Variants in PCDHGA2 observed in about 807,000 individuals in gnomAD.
The protein encoded by PCDHGA2 is protocadherin gamma-A2.
In PCDHGA2, 40 loss-of-function variants were observed where a neutral mutation model predicts 59.2. That is an observed-to-expected ratio of 0.68 (90% confidence interval 0.52 to 0.88). The LOEUF is 0.88. Ranked by LOEUF, PCDHGA2 falls within the 40% of genes least tolerant of loss-of-function variation. The pLI is 0.00. For synonymous variants in PCDHGA2, 560 were observed against 526.0 expected, an observed-to-expected ratio of 1.06 and a Z score of -0.89; for missense variants, 1,226 against 1,204.0, an observed-to-expected ratio of 1.02 and a Z score of -0.27.
intron 2 of PCDHGA2, among the ~76,000 whole-genome samples, chr5:141,499,016 GGAAGGAA>G (rs2099788564): frequency 7.0e-6 from 1 of 143,496 alleles, no homozygotes; most frequent in Non-Finnish European, 1.5e-5. Flanking sequence ...AAGGAAGGAA[GGAAGGAA>G]GGAAGAAAAG....
chr5:141,348,977 A>G (rs1161921022), intron 1 of PCDHGA2, among the ~76,000 whole-genome samples: 2 of 152,176 alleles, frequency 1.3e-5, no homozygotes, highest in Admixed American at 6.5e-5. Flanking sequence ...TTGGGTGTCT[A>G]AGAACTCTGA....
chr5:141,480,599 C>A (rs1202373543), intron 1 of PCDHGA2, among the ~76,000 whole-genome samples: 1 of 141,438 alleles, frequency 7.1e-6, no homozygotes, highest in East Asian at 1.9e-4. Flanking sequence ...TCTGGTCAGC[C>A]TGGAAAGCAA....
intron 1 of PCDHGA2, chr5:141,422,014 C>T (rs1472942387): frequency 1.9e-6 from 3 of 1,610,040 alleles, no homozygotes; most frequent in African/African-American, 1.3e-5. Flanking sequence ...AACTCGGGTG[C>T]TGATGGTTAA....
At chr5:141,494,363 T>C (rs1264801258) in intron 1 of PCDHGA2, among the ~76,000 whole-genome samples, 1 of 152,206 alleles carries the variant, frequency 6.6e-6, no homozygotes, top group Non-Finnish European at 1.5e-5. Context: ...CTGCAGAGGA[T>C]GCTTTGTTCC....
At chr5:141,350,425 T>C (rs759895057) in intron 1 of PCDHGA2, 207 of 1,607,986 alleles carry the variant, frequency 1.3e-4, no homozygotes, top group Non-Finnish European at 1.6e-4. Context: ...TGGGGCTCAG[T>C]GTCCGGGAGT....
At chr5:141,350,331 G>C in intron 1 of PCDHGA2, 1 of 1,537,716 alleles carries the variant, frequency 6.5e-7, no homozygotes, top group Non-Finnish European at 8.7e-7. Context: ...TCTTTGTTCT[G>C]CGGGGCCATC....
chr5:141,409,441 G>A (rs1432743588), intron 1 of PCDHGA2: 1 of 1,613,884 alleles, frequency 6.2e-7, no homozygotes, highest in Admixed American at 1.7e-5. Context: ...TGGACCGAGA[G>A]CAGACACCAG....
At chr5:141,423,558 G>A (rs770532900) in intron 1 of PCDHGA2, 1 of 1,613,462 alleles carries the variant, frequency 6.2e-7, no homozygotes, top group African/African-American at 1.3e-5. Flanking sequence ...CCAACTATGG[G>A]GACACGCTCA....
At chr5:141,402,392 C>A (rs1271100750) in intron 1 of PCDHGA2, among the ~76,000 whole-genome samples, 1 of 151,714 alleles carries the variant, frequency 6.6e-6, no homozygotes, top group African/African-American at 2.4e-5. Flanking sequence ...AAAATTACTT[C>A]AGAAAATTGT....
At chr5:141,371,952 T>C (rs1377821829) in intron 1 of PCDHGA2, 1 of 1,613,142 alleles carries the variant, frequency 6.2e-7, no homozygotes, top group African/African-American at 1.3e-5. Flanking sequence ...GCAGCGAGCC[T>C]TCGACCACGA....
At chr5:141,495,804 T>G (rs894259635) in intron 2 of PCDHGA2, among the ~76,000 whole-genome samples, 1 of 152,168 alleles carries the variant, frequency 6.6e-6, no homozygotes, top group South Asian at 2.1e-4. Flanking sequence ...TTTCACCGTT[T>G]CCTAGCGCCT....
chr5:141,409,055 G>A lies in PCDHGA2; in HGVS notation c.2424+67660G>A, dbSNP rs141881204. The A allele has an allele frequency of 7.2e-5, 117 of 1,614,038 alleles. No individual in the cohort carries two copies. Among genetic ancestry groups the A allele is most frequent in the Admixed American group, 5.0e-4 (30 of 60,032 alleles). On this transcript the variant is annotated intron_variant, in intron 1 of 3. Coordinates refer to ENST00000394576, the MANE Select transcript of PCDHGA2 (RefSeq NM_018915.4). ...GATAAACTACTACTTCCGAAGCACT[G>A]CCCAGAGCACAAAACATATGTTCTC...
intron 1 of PCDHGA2, chr5:141,388,825 C>G: frequency 6.2e-7 from 1 of 1,613,910 alleles, no homozygotes; most frequent in Non-Finnish European, 8.5e-7. Flanking sequence ...AAAGAATATT[C>G]CATAGTTTTG....
chr5:141,435,906 A>C (rs1246100275), intron 1 of PCDHGA2, among the ~76,000 whole-genome samples: 1 of 152,182 alleles, frequency 6.6e-6, no homozygotes, highest in African/African-American at 2.4e-5. Context: ...AAAGACATCC[A>C]AGGGCTCTAA....
At chr5:141,383,538 A>G in intron 1 of PCDHGA2, 1 of 1,612,704 alleles carries the variant, frequency 6.2e-7, no homozygotes, top group African/African-American at 1.3e-5. Context: ...TGGTCCTCAC[A>G]GCCTCTGATG....
At chr5:141,450,817 A>T (rs1302552522) in intron 1 of PCDHGA2, among the ~76,000 whole-genome samples, 1 of 137,468 alleles carries the variant, frequency 7.3e-6, no homozygotes, top group Non-Finnish European at 1.5e-5. Context: ...TTTATTTAAT[A>T]TTATTATTAT....
At position 141,340,460 on chromosome 5, in the gene PCDHGA2, CA is replaced by C. The variant is rs1756946488; in HGVS notation, c.1490del (p.Gln497ArgfsTer36). On this transcript the variant is annotated frameshift_variant, in exon 1 of 4. Coordinates refer to ENST00000394576, the MANE Select transcript of PCDHGA2 (RefSeq NM_018915.4). LOFTEE classifies it high-confidence loss of function. ...TTACTCTTTCGCGGAGGACACTGTT[CA>C]GGGGGCACCCTTATCCTCTTACATC... is the stretch of plus-strand genomic sequence containing the variant. Reference protein sequence around the residue: ...VTYSFAEDTVQGAPLSSYISI... With the variant: ...VTYSFAEDTVXGAPLSSYISI... 1.2e-6 allele frequency: 2 copies of C among 1,614,238 alleles called. No individual in the cohort carries two copies. Among genetic ancestry groups the C allele is most frequent in the Middle Eastern group, 1.6e-4 (1 of 6,062 alleles).
intron 1 of PCDHGA2, chr5:141,441,447 C>T: frequency 6.2e-6 from 1 of 161,550 alleles, no homozygotes. Flanking sequence ...CCAGCCCAAG[C>T]ATCACCCTAC....
intron 1 of PCDHGA2, chr5:141,366,746 G>A (rs750528287): frequency 1.9e-6 from 3 of 1,609,646 alleles, no homozygotes; most frequent in Non-Finnish European, 2.5e-6. Flanking sequence ...AGAACGGCGA[G>A]TTCAGGTTAG....
Sources: allele counts gnomAD v4.1 joint callset (sites outside exome capture counted in the v4.1 genomes callset), GRCh38; gene constraint gnomAD v4.1.1; transcripts MANE v1.5; gene names NCBI Gene and HGNC (gene_info 2026-07-23, HGNC 2026-07-21).